The following UBE2L3 variants were observed in gnomAD, a reference collection of about 807,000 sequenced individuals.
UBE2L3 encodes ubiquitin conjugating enzyme E2 L3.
A neutral mutation model predicts 17.8 loss-of-function variants in UBE2L3; 1 was observed. That is an observed-to-expected ratio of 0.06 (90% CI 0.02 to 0.27). UBE2L3 has a LOEUF of 0.27. Ranked by LOEUF, UBE2L3 falls within the 10% of genes least tolerant of loss-of-function variation. The pLI is 1.00. For synonymous variants in UBE2L3, 44 were observed against 68.5 expected (o/e 0.64, Z 1.76); for missense variants, 40 against 192.6 (o/e 0.21, Z 4.69).
chr22:21,580,405 C>T (rs1051893342), intron 1 of UBE2L3, among the ~76,000 whole-genome samples: 1 of 152,166 alleles, frequency 6.6e-6, no homozygotes, highest in Admixed American at 6.6e-5. Flanking sequence ...TTCCCAGCAT[C>T]TCTTTGTTTT....
chr22:21,598,195 A>ATGTGTGTGTGTGTGTGTGTG lies in UBE2L3; in HGVS notation c.123+5254_123+5255insGTGTGTGTGTGTGTGTGTGT, dbSNP rs371127802. ...GATCTCTTCAAGGAAGGTTTCATTA[A>ATGTGTGTGTGTGTGTGTGTG]TGTGTGTGTGTGTGTTTTTCATTTA... On this transcript the variant is annotated intron_variant, in intron 2 of 3. Coordinates refer to ENST00000342192, the MANE Select transcript of UBE2L3 (RefSeq NM_003347.4). Among the ~76,000 whole-genome samples, 1,182 of 148,492 alleles carry ATGTGTGTGTGTGTGTGTGTG rather than the reference A, an allele frequency of 8.0e-3. 12 individuals are homozygous for ATGTGTGTGTGTGTGTGTGTG. The highest frequency in any genetic ancestry group is 0.025 in the African/African-American group (1,023 of 40,778).
chr22:21,602,076 C>G (rs1020999066), intron 2 of UBE2L3, among the ~76,000 whole-genome samples: 1 of 152,046 alleles, frequency 6.6e-6, no homozygotes, highest in African/African-American at 2.4e-5. Context: ...GATAGGCAGC[C>G]CACAGGGCTG....
chr22:21,579,241 C>G (rs1927496451), intron 1 of UBE2L3, among the ~76,000 whole-genome samples: 1 of 152,076 alleles, frequency 6.6e-6, no homozygotes, highest in African/African-American at 2.4e-5. Context: ...ATCCACCTGC[C>G]TCGGCCTCCC....
intron 1 of UBE2L3, among the ~76,000 whole-genome samples, chr22:21,577,227 C>T (rs1011747846): frequency 2.7e-5 from 4 of 150,914 alleles, no homozygotes; most frequent in East Asian, 3.9e-4. Flanking sequence ...CTTGGCCTCC[C>T]GAAGTGCTGG....
rs535403840 is a variant in UBE2L3 at position 21,594,000 on chromosome 22, C to G, written c.123+1044C>G. 5.9e-5 allele frequency among the ~76,000 whole-genome samples: 9 copies of G among 152,316 alleles called. No individual in the cohort carries two copies. The East Asian group carries it at 1.7e-3, about 29-fold the overall frequency. On this transcript the variant is annotated intron_variant, in intron 2 of 3. Transcript: ENST00000342192. ...ACACCTGTCTCCATTCCTGCCTTCT[C>G]CCCGGAAGCTGCACCATCTGTCCAC...
At chr22:21,615,113 C>G (rs1273515604) in intron 3 of UBE2L3, among the ~76,000 whole-genome samples, 2 of 152,008 alleles carry the variant, frequency 1.3e-5, no homozygotes, top group Non-Finnish European at 2.9e-5. Context: ...CAAGATTGTG[C>G]CATTGCACTC....
intron 3 of UBE2L3, among the ~76,000 whole-genome samples, chr22:21,620,181 C>A (rs1929978373): frequency 1.3e-5 from 2 of 151,932 alleles, no homozygotes; most frequent in Non-Finnish European, 2.9e-5. Flanking sequence ...CAACTACTCT[C>A]AAGGCCAAGG....
intron 1 of UBE2L3, among the ~76,000 whole-genome samples, chr22:21,570,279 G>T (rs1161173803): frequency 6.7e-6 from 1 of 149,636 alleles, no homozygotes; most frequent in Non-Finnish European, 1.5e-5. Flanking sequence ...TCTAAGAGGG[G>T]ACTTATTATG....
At chr22:21,560,058 G>GCCCAGCTC (rs1387450052) in intron 1 of UBE2L3, among the ~76,000 whole-genome samples, 2 of 152,372 alleles carry the variant, frequency 1.3e-5, no homozygotes, top group South Asian at 2.1e-4. Context: ...GGTGGCCCTG[G>GCCCAGCTC]CCCAGCTCCC....
chr22:21,585,294 A>G lies in UBE2L3; in HGVS notation c.28-7567A>G, dbSNP rs539874742. Among the ~76,000 whole-genome samples the G allele has an allele frequency of 2.6e-5, 4 of 152,340 alleles. No individual in the cohort carries two copies. The East Asian group carries it at 5.8e-4, about 22-fold the overall frequency. On this transcript the variant is annotated intron_variant, in intron 1 of 3. Coordinates refer to ENST00000342192, the MANE Select transcript of UBE2L3 (RefSeq NM_003347.4). ...GTTTTTCATGCTGCTGCTAAGGTTC[A>G]TGCCTTGTGCTTGGTGAAAAATTAA...
chr22:21,603,529 TAAAAAAA>T (rs780658850), intron 2 of UBE2L3, among the ~76,000 whole-genome samples: 14 of 79,950 alleles, frequency 1.8e-4, no homozygotes, highest in South Asian at 4.5e-4. Flanking sequence ...GACTCTGTCT[TAAAAAAA>T]AAAAAAAAAA....
At chr22:21,613,009 G>C (rs1929585911) in intron 3 of UBE2L3, among the ~76,000 whole-genome samples, 1 of 152,164 alleles carries the variant, frequency 6.6e-6, no homozygotes, top group African/African-American at 2.4e-5. Context: ...AGAGTGTTCA[G>C]TAATTCCTGG....
At chr22:21,588,739 C>T (rs1928090024) in intron 1 of UBE2L3, among the ~76,000 whole-genome samples, 1 of 152,002 alleles carries the variant, frequency 6.6e-6, no homozygotes, top group Non-Finnish European at 1.5e-5. Context: ...TCTTGGCTCA[C>T]TACAACCTCC....
chr22:21,609,826 G>T (rs570572582), intron 2 of UBE2L3, among the ~76,000 whole-genome samples: 1 of 152,132 alleles, frequency 6.6e-6, no homozygotes, highest in Non-Finnish European at 1.5e-5. Context: ...AGGAGTTCAA[G>T]ACCAGCCTGG....
intron 1 of UBE2L3, among the ~76,000 whole-genome samples, chr22:21,580,818 C>T (rs1422541249): frequency 2.6e-5 from 4 of 151,552 alleles, no homozygotes; most frequent in African/African-American, 9.7e-5. Flanking sequence ...CTCCTGACCT[C>T]ATATGATCTG....
upstream of UBE2L3, among the ~76,000 whole-genome samples, chr22:21,563,274 G>T (rs938104874): frequency 2.3e-5 from 3 of 127,960 alleles, no homozygotes; most frequent in East Asian, 2.5e-4. Flanking sequence ...ATTACTGGCC[G>T]GGTGTGGTGG....
At chr22:21,558,544 T>C (rs1926319581) in intron 1 of UBE2L3, among the ~76,000 whole-genome samples, 3 of 143,986 alleles carry the variant, frequency 2.1e-5, no homozygotes, top group East Asian at 2.1e-4. Flanking sequence ...GGGAGGAGAA[T>C]GGCGTGAACC....
chr22:21,608,334 C>G (rs926413238), intron 2 of UBE2L3, among the ~76,000 whole-genome samples: 1 of 152,198 alleles, frequency 6.6e-6, no homozygotes, highest in Non-Finnish European at 1.5e-5. Flanking sequence ...ATTGCATTCT[C>G]AAACTCCTGG....
At chr22:21,552,870 C>A (rs570155435) in intron 1 of UBE2L3, among the ~76,000 whole-genome samples, 47 of 132,908 alleles carry the variant, frequency 3.5e-4, no homozygotes, top group African/African-American at 1.3e-3. Flanking sequence ...ACTACAGGTG[C>A]CCGCCACCAC....
Sources: gnomAD v4.1 joint callset for allele counts (sites outside exome capture counted in the v4.1 genomes callset) on GRCh38, gnomAD v4.1.1 for gene constraint, MANE v1.5 for transcripts, NCBI Gene and HGNC (gene_info 2026-07-23, HGNC 2026-07-21) for gene names.